SSU72: variants seen among roughly 807,000 people sequenced by gnomAD.
The protein encoded by SSU72 is SSU72 homolog, RNA polymerase II CTD phosphatase.
A neutral mutation model predicts 22.7 loss-of-function variants in SSU72; 12 were observed. The observed-to-expected ratio is 0.53, with a 90% CI of 0.34 to 0.86. SSU72 has a LOEUF of 0.86. Ranked by LOEUF, SSU72 falls within the 40% of genes least tolerant of loss-of-function variation. SSU72 has a pLI of 0.02. For synonymous variants in SSU72, 116 were observed against 98.3 expected, an observed-to-expected ratio of 1.18 and a Z score of -1.06; for missense variants, 151 against 249.8, an observed-to-expected ratio of 0.60 and a Z score of 2.67.
At chr1:1,557,470 G>A (rs1448905015) in intron 2 of SSU72, among the ~76,000 whole-genome samples, 2 of 148,750 alleles carry the variant, frequency 1.3e-5, no homozygotes, top group Non-Finnish European at 2.9e-5. Context: ...TCCTTTTTGG[G>A]AACTATACTA....
At position 1,548,566 on chromosome 1, in the gene SSU72, A is replaced by C. The variant is rs867300354; in HGVS notation, c.225-3564T>G. On this transcript the variant is annotated intron_variant, in intron 2 of 4. Transcript: ENST00000291386. ...CAAGACTCTGTCTCAAAAAAAAAAA[A>C]AAAAAAAAAACTCCCAAGGATGGGC... Among the ~76,000 whole-genome samples, 197 of 151,392 alleles carry C rather than the reference A, an allele frequency of 1.3e-3. 3 individuals carry two copies. Among genetic ancestry groups the C allele is most frequent in the Middle Eastern group, 6.8e-3 (2 of 294 alleles).
intron 1 of SSU72, among the ~76,000 whole-genome samples, chr1:1,571,585 C>T (rs150511769): frequency 2.1e-3 from 323 of 152,128 alleles, no homozygotes; most frequent in African/African-American, 7.3e-3. Context: ...TGAATGATGG[C>T]GGCACAGGTA....
In SSU72 at chr1:1,552,952, C is replaced by T. The variant is rs1444872423; in HGVS notation, c.225-7950G>A. 5.6e-5 allele frequency among the ~76,000 whole-genome samples: 8 copies of T among 144,006 alleles called. No individual in the cohort carries two copies. The South Asian group carries it at 8.7e-4, about 16-fold the overall frequency. 94.5% of individuals were successfully genotyped at this position (144,006 alleles called of 152,430 possible). ...AGGAGAAACTATTGAACCCACGAGG[C>T]GGAGGTTGCAGTGAGCCGAGATTGC... On this transcript the variant is annotated intron_variant, in intron 2 of 4. Transcript: ENST00000291386.
chr1:1,555,770 G>A (rs1342216463), intron 2 of SSU72, among the ~76,000 whole-genome samples: 2 of 152,116 alleles, frequency 1.3e-5, no homozygotes, highest in African/African-American at 4.8e-5. Flanking sequence ...GGCCAAGGCA[G>A]GCAGACTGCT....
chr1:1,574,790 G>C lies in SSU72; in HGVS notation c.-233C>G, dbSNP rs989262345. The C allele has an allele frequency of 7.0e-5, 16 of 228,128 alleles. No homozygotes were observed. Among genetic ancestry groups the C allele is most frequent in the Admixed American group, 1.2e-4 (2 of 16,242 alleles). 14.1% of individuals were successfully genotyped at this position (228,128 alleles called of 1,614,324 possible). A position where few individuals can be genotyped will look rare whatever the true frequency, so the allele number is the denominator to read the frequency against. ...GCGCGCTGCACTCGGCGAGGCCGGG[G>C]GCGGCCAACGCCGCGCCGGCCCCCG... On this transcript the variant is annotated 5_prime_UTR_variant, in exon 1 of 5. Transcript: ENST00000291386.
chr1:1,566,762 G>A (rs147023978), intron 1 of SSU72, among the ~76,000 whole-genome samples: 1,688 of 152,130 alleles, frequency 0.011, 19 homozygotes, highest in Admixed American at 0.036. Flanking sequence ...GCTGAGGCAG[G>A]AGAATGACTT....
intron 1 of SSU72, among the ~76,000 whole-genome samples, chr1:1,565,381 A>G (rs1642647335): frequency 1.3e-5 from 2 of 152,220 alleles, no homozygotes; most frequent in African/African-American, 4.8e-5. Flanking sequence ...CACAAAAGCA[A>G]TCAAACCAGA....
chr1:1,568,476 C>T (rs762305428), intron 1 of SSU72, among the ~76,000 whole-genome samples: 3 of 148,980 alleles, frequency 2.0e-5, no homozygotes, highest in Non-Finnish European at 1.5e-5. Context: ...TGGTGGTGCG[C>T]GCCTGTAATC....
chr1:1,570,208 C>T (rs1338405300), intron 1 of SSU72, among the ~76,000 whole-genome samples: 1 of 150,754 alleles, frequency 6.6e-6, no homozygotes, highest in Non-Finnish European at 1.5e-5. Flanking sequence ...GCAGGAGGAT[C>T]GTTTTAGCCC....
At chr1:1,550,192 G>GTATATA (rs1188956150) in intron 2 of SSU72, among the ~76,000 whole-genome samples, 1 of 139,274 alleles carries the variant, frequency 7.2e-6, no homozygotes. Context: ...AAAAAAAAAA[G>GTATATA]TATATATATA....
At chr1:1,565,430 G>A (rs1642648149) in intron 1 of SSU72, among the ~76,000 whole-genome samples, 1 of 152,198 alleles carries the variant, frequency 6.6e-6, no homozygotes, top group Non-Finnish European at 1.5e-5. Flanking sequence ...ATCATAGCTT[G>A]TTTAAGGCTT....
Position 1,574,526 on chromosome 1 carries a change from A to G in SSU72, c.32T>C (p.Val11Ala). 1 of 1,590,672 alleles carries G rather than the reference A, an allele frequency of 6.3e-7. No homozygotes were observed. The highest frequency in any genetic ancestry group is 2.4e-5 in the East Asian group (1 of 41,214). The change falls in exon 1 of 5, where the codon GTG becomes GCG. Residue 11 changes from valine (V) to alanine (A), a missense_variant. By Grantham distance (64) the Val-to-Ala change is moderately conservative (BLOSUM62 0). Transcript: ENST00000291386. MPSSPLRVAV[V>A]CSSNQNRSME... Reference sequence around the variant, plus strand: ...GCTCCGGTTCTGGTTGCTCGAGCACACCACCGCCACCCGCAGCGGGGACGA... The same window carrying G: ...GCTCCGGTTCTGGTTGCTCGAGCACGCCACCGCCACCCGCAGCGGGGACGA...
intron 4 of SSU72, among the ~76,000 whole-genome samples, chr1:1,543,202 G>C (rs1292828947): frequency 1.3e-5 from 2 of 152,226 alleles, no homozygotes; most frequent in Non-Finnish European, 2.9e-5. Flanking sequence ...GACATGCAGG[G>C]CCCACTGGGG....
rs1642638868 is a variant in SSU72, at chr1:1,564,781, G to C, written c.216C>G (p.Asp72Glu). The C allele has an allele frequency of 6.2e-7, 1 of 1,614,058 alleles. No individual in the cohort carries two copies. The highest frequency in any genetic ancestry group is 8.5e-7 in the Non-Finnish European group (1 of 1,180,046). The change falls in exon 2 of 5, where the codon GAC becomes GAG. Residue 72 changes from aspartate to glutamate, a missense_variant. Coordinates refer to ENST00000291386, the MANE Select transcript of SSU72 (RefSeq NM_014188.3). Reference sequence around the variant, plus strand: ...GCAACCCGCTGGGATACAGTTCTTTGTCTTTCCTAAGAAGATCATTGTACA... The same window carrying C: ...GCAACCCGCTGGGATACAGTTCTTTCTCTTTCCTAAGAAGATCATTGTACA... ...DQMYNDLLRKDKELYTQNGIL... is the reference protein window; with the variant it reads ...DQMYNDLLRKEKELYTQNGIL...
chr1:1,574,410 G>A (rs1445194932), intron 1 of SSU72, 68 bp downstream of exon 1: 6 of 1,506,734 alleles, frequency 4.0e-6, no homozygotes, highest in East Asian at 2.7e-5. Context: ...CGGGCCAGGG[G>A]GAACCGGGGA....
chr1:1,553,544 G>C (rs1046091085), intron 2 of SSU72, among the ~76,000 whole-genome samples: 1 of 151,220 alleles, frequency 6.6e-6, no homozygotes, highest in Admixed American at 6.6e-5. Flanking sequence ...GGGAGGCTGA[G>C]GCCAGCAGAT....
intron 2 of SSU72, among the ~76,000 whole-genome samples, chr1:1,559,415 G>T (rs1642558427): frequency 6.6e-6 from 1 of 152,086 alleles, no homozygotes; most frequent in African/African-American, 2.4e-5. Context: ...CCACAGAACT[G>T]GACACGCGAC....
At chr1:1,559,860 A>T (rs899277220) in intron 2 of SSU72, among the ~76,000 whole-genome samples, 3 of 151,970 alleles carry the variant, frequency 2.0e-5, no homozygotes, top group South Asian at 2.1e-4. Context: ...ATGAGTAGCT[A>T]GGATCAGGCA....
chr1:1,547,119 G>A (rs569710909), intron 2 of SSU72, among the ~76,000 whole-genome samples: 16 of 152,246 alleles, frequency 1.1e-4, no homozygotes, highest in South Asian at 4.2e-4. Context: ...ACCGGCTCAC[G>A]GAGAGGAACC....
Sources: allele counts gnomAD v4.1 joint callset (sites outside exome capture counted in the v4.1 genomes callset), GRCh38; gene constraint gnomAD v4.1.1; transcripts MANE v1.5; gene names NCBI Gene and HGNC (gene_info 2026-07-23, HGNC 2026-07-21).